The following CPNE4 variants were observed in gnomAD, a reference collection of about 807,000 sequenced individuals.
The protein encoded by CPNE4 is copine-4.
A neutral mutation model predicts 67.9 loss-of-function variants in CPNE4; 25 were observed. The ratio of observed to expected loss-of-function variants is 0.37; its 90% CI spans 0.27 to 0.51. CPNE4 has a LOEUF of 0.51. CPNE4 is among the 20% of genes least tolerant of loss of function. The pLI, the probability that CPNE4 is intolerant of heterozygous loss-of-function variation, is 0.93. For missense variants in CPNE4, 464 were observed against 690.8 expected (o/e 0.67, Z 3.68); for synonymous variants, 242 against 244.9 (o/e 0.99, Z 0.11).
At chr3:131,891,161 T>A (rs2088097890) in intron 2 of CPNE4, among the ~76,000 whole-genome samples, 1 of 151,986 alleles carries the variant, frequency 6.6e-6, no homozygotes, top group Non-Finnish European at 1.5e-5. Context: ...TGGATATATA[T>A]ATATTTTTTA....
intron 4 of CPNE4, 44 bp downstream of exon 4, chr3:131,699,865 G>A (rs754592620): frequency 2.6e-6 from 4 of 1,563,628 alleles, no homozygotes; most frequent in African/African-American, 2.7e-5. Context: ...GTCCGCCCAG[G>A]CTCTCCACTC....
chr3:131,871,384 T>G (rs2087194189), intron 2 of CPNE4, among the ~76,000 whole-genome samples: 1 of 152,078 alleles, frequency 6.6e-6, no homozygotes, highest in Non-Finnish European at 1.5e-5. Flanking sequence ...TTCTTGGAGA[T>G]CTTTAAGAAT....
At chr3:131,751,978 A>C (rs2082640691) in intron 2 of CPNE4, among the ~76,000 whole-genome samples, 1 of 151,722 alleles carries the variant, frequency 6.6e-6, no homozygotes, top group Non-Finnish European at 1.5e-5. Context: ...CATAGTAGGG[A>C]TGGCCTCATT....
intron 7 of CPNE4, among the ~76,000 whole-genome samples, chr3:131,612,759 C>A (rs1939926620): frequency 6.6e-6 from 1 of 152,156 alleles, no homozygotes; most frequent in Non-Finnish European, 1.5e-5. Flanking sequence ...TCCAGCATAG[C>A]AGTTAGTTGT....
chr3:131,927,330 C>T (rs1041926983), intron 1 of CPNE4, among the ~76,000 whole-genome samples: 5 of 152,152 alleles, frequency 3.3e-5, no homozygotes, highest in East Asian at 3.9e-4. Flanking sequence ...TCTAATCTTT[C>T]AGTGGATCCC....
intron 1 of CPNE4, among the ~76,000 whole-genome samples, chr3:131,988,735 T>C (rs1033794070): frequency 5.3e-5 from 8 of 152,236 alleles, no homozygotes; most frequent in Non-Finnish European, 4.4e-5. Flanking sequence ...TATGTAAATT[T>C]ATTTTTTAGT....
chr3:131,622,975 G>A (rs1007468187), intron 7 of CPNE4, among the ~76,000 whole-genome samples: 1 of 152,192 alleles, frequency 6.6e-6, no homozygotes, highest in African/African-American at 2.4e-5. Flanking sequence ...GCATCAATAG[G>A]TGTCTAGAAG....
chr3:131,746,811 T>C lies in CPNE4; in HGVS notation c.181-23186A>G, dbSNP rs1437973096. Among the ~76,000 whole-genome samples, 4 of 152,248 alleles carry C rather than the reference T, an allele frequency of 2.6e-5. No homozygotes were observed. The Middle Eastern group carries it at 0.014, about 518-fold the overall frequency. ...CCAGCAATAGGATTGTGGGGTTATA[T>C]TGTAGTTCTATTTTTAATTTTTAAG... On this transcript the variant is annotated intron_variant, in intron 2 of 15. Coordinates refer to ENST00000429747, the MANE Select transcript of CPNE4 (RefSeq NM_130808.3).
intron 2 of CPNE4, among the ~76,000 whole-genome samples, chr3:131,834,245 T>G (rs528883759): frequency 9.8e-4 from 150 of 152,334 alleles, no homozygotes; most frequent in African/African-American, 3.5e-3. Context: ...CTTCCTTTAT[T>G]AGTATTATGG....
intron 9 of CPNE4, among the ~76,000 whole-genome samples, chr3:131,575,999 T>C (rs1937539347): frequency 6.6e-6 from 1 of 152,160 alleles, no homozygotes; most frequent in Admixed American, 6.6e-5. Flanking sequence ...CAATTATTTA[T>C]TGAATACTCA....
At chr3:131,761,676 T>C (rs1432138326) in intron 2 of CPNE4, among the ~76,000 whole-genome samples, 1 of 152,122 alleles carries the variant, frequency 6.6e-6, no homozygotes, top group African/African-American at 2.4e-5. Flanking sequence ...TTAGTAACTT[T>C]ACAATTCTGT....
chr3:131,963,623 G>C (rs779423021), intron 1 of CPNE4, among the ~76,000 whole-genome samples: 1 of 152,192 alleles, frequency 6.6e-6, no homozygotes, highest in East Asian at 1.9e-4. Flanking sequence ...GCAAGCTGCC[G>C]GGAAGTTCGG....
intron 2 of CPNE4, among the ~76,000 whole-genome samples, chr3:131,795,077 AG>A (rs1234071777): frequency 6.6e-6 from 1 of 152,184 alleles, no homozygotes; most frequent in Non-Finnish European, 1.5e-5. Flanking sequence ...CTATTGAGAG[AG>A]GTGAAATATT....
chr3:131,542,589 C>T lies in CPNE4; in HGVS notation c.1507G>A (p.Val503Ile), dbSNP rs779283179. ...PKGEPVLRDI[V>I]QFVPFRNFKH... ...AAGTTCCTGAAGGGCACGAACTGGA[C>T]GATGTCTCGAAGAACAGGCTCTCCC... Residue 503 changes from valine to isoleucine, a missense_variant, in exon 15 of 16, where the codon GTC becomes ATC. Transcript: ENST00000429747. 35 of 1,613,994 alleles carry T rather than the reference C, an allele frequency of 2.2e-5. No homozygotes were observed. Among genetic ancestry groups the T allele is most frequent in the South Asian group, 5.5e-5 (5 of 91,088 alleles).
At chr3:131,818,127 CCTTA>C (rs2084816893) in intron 2 of CPNE4, among the ~76,000 whole-genome samples, 1 of 152,186 alleles carries the variant, frequency 6.6e-6, no homozygotes, top group South Asian at 2.1e-4. Context: ...TTTTTCAATG[CCTTA>C]CTGTCAGTGT....
intron 1 of CPNE4, among the ~76,000 whole-genome samples, chr3:131,981,353 G>C (rs1216534121): frequency 1.3e-5 from 2 of 152,070 alleles, no homozygotes; most frequent in African/African-American, 4.8e-5. Flanking sequence ...ACTCTCCTTG[G>C]GCAGGTCTTC....
At chr3:131,606,025 A>G (rs1217222724) in intron 7 of CPNE4, among the ~76,000 whole-genome samples, 3 of 152,196 alleles carry the variant, frequency 2.0e-5, no homozygotes, top group Non-Finnish European at 4.4e-5. Flanking sequence ...TAAATGAGCC[A>G]TGCTACTCAT....
intron 3 of CPNE4, among the ~76,000 whole-genome samples, chr3:131,709,077 T>C (rs1443466934): frequency 6.7e-6 from 1 of 149,000 alleles, no homozygotes; most frequent in Non-Finnish European, 1.5e-5. Context: ...CCACGGTAAG[T>C]GGACACATTA....
At chr3:131,696,352 T>G (rs536479689) in intron 5 of CPNE4, among the ~76,000 whole-genome samples, 190 bp downstream of exon 5, 1 of 152,344 alleles carries the variant, frequency 6.6e-6, no homozygotes, top group South Asian at 2.1e-4. Context: ...TTGTTTTAAT[T>G]ACAGTCCCTT....
Sources: allele counts gnomAD v4.1 joint callset (sites outside exome capture counted in the v4.1 genomes callset), GRCh38; gene constraint gnomAD v4.1.1; transcripts MANE v1.5; gene names NCBI Gene and HGNC (gene_info 2026-07-23, HGNC 2026-07-21).